CCDC141: variants seen among roughly 807,000 people sequenced by gnomAD.
CCDC141 encodes coiled-coil domain containing 141, also known as coiled-coil domain-containing protein 141.
A neutral mutation model predicts 181.0 loss-of-function variants in CCDC141; 168 were observed. That is an observed-to-expected ratio of 0.93 (90% CI 0.82 to 1.05). CCDC141 has a LOEUF of 1.05. CCDC141 is among the 50% of genes least tolerant of loss of function. The pLI, the probability that CCDC141 is intolerant of heterozygous loss-of-function variation, is 0.00. For missense variants in CCDC141, 1,902 were observed against 1,788.5 expected, an observed-to-expected ratio of 1.06 and a Z score of -1.14; for synonymous variants, 666 against 642.3, an observed-to-expected ratio of 1.04 and a Z score of -0.56.
intron 2 of CCDC141, among the ~76,000 whole-genome samples, chr2:179,013,884 G>C (rs1209017850): frequency 6.9e-6 from 1 of 145,890 alleles, no homozygotes; most frequent in African/African-American, 2.5e-5. Flanking sequence ...CGTGAACCTG[G>C]GAGGTGGAAC....
chr2:178,990,584 TGGAGG>T (rs199693487), intron 2 of CCDC141, among the ~76,000 whole-genome samples: 7,864 of 28,512 alleles, frequency 0.28, 587 homozygotes, highest in African/African-American at 0.4. Flanking sequence ...GGGAGGGGAG[TGGAGG>T]GGAGGGGAGG....
chr2:179,034,558 T>A (rs527245164), intron 2 of CCDC141, among the ~76,000 whole-genome samples: 1 of 152,306 alleles, frequency 6.6e-6, no homozygotes, highest in African/African-American at 2.4e-5. Flanking sequence ...TATCAATATC[T>A]CTATGAGTGC....
intron 21 of CCDC141, among the ~76,000 whole-genome samples, chr2:178,849,023 T>C (rs890938200): frequency 2.0e-5 from 3 of 151,338 alleles, no homozygotes; most frequent in Non-Finnish European, 4.4e-5. Flanking sequence ...GGTAAAATGG[T>C]AAAAAAAAAT....
chr2:179,032,564 G>C (rs1413401787), intron 2 of CCDC141, among the ~76,000 whole-genome samples: 2 of 152,080 alleles, frequency 1.3e-5, no homozygotes, highest in Non-Finnish European at 2.9e-5. Context: ...AATTCAACCG[G>C]GAAATACCAG....
chr2:178,938,438 T>C (rs1181722512), intron 6 of CCDC141, among the ~76,000 whole-genome samples: 2 of 152,120 alleles, frequency 1.3e-5, no homozygotes, highest in East Asian at 3.9e-4. Flanking sequence ...TCTATTTTCA[T>C]TGTGCTGTGG....
chr2:178,882,825 G>A lies in CCDC141; in HGVS notation c.1719+2076C>T, dbSNP rs571708687. On this transcript the variant is annotated intron_variant, in intron 11 of 23. Transcript: ENST00000443758. ...GTAAACAGAGTATTGGATTGATCTC[G>A]TATTGGGAGTTGGCAGGGTTAGTCA... 7.7e-4 allele frequency among the ~76,000 whole-genome samples: 117 copies of A among 152,126 alleles called. 3 individuals are homozygous for A. In the South Asian group the frequency reaches 0.021, roughly 27 times the overall value.
At chr2:179,026,021 C>T (rs2042833607) in intron 2 of CCDC141, among the ~76,000 whole-genome samples, 1 of 152,106 alleles carries the variant, frequency 6.6e-6, no homozygotes, top group Non-Finnish European at 1.5e-5. Flanking sequence ...TGTTAAAGGC[C>T]TTCAGTTTTA....
At position 178,850,113 on chromosome 2, in the gene CCDC141, TTGTG is replaced by T. The variant is rs1393493585; in HGVS notation, c.3289_3292del (p.His1097LysfsTer7). 2 of 1,611,834 alleles carry T rather than the reference TTGTG, an allele frequency of 1.2e-6. No homozygotes were observed. On this transcript the variant is annotated frameshift_variant, in exon 21 of 24. Transcript: ENST00000443758. LOFTEE classifies it high-confidence loss of function. ...TTCAGTCACAGATTCAAGAACCTCT[TTGTG>T]TTTTGTCACTATTTTCTCAATATAT...
At chr2:178,971,263 T>C (rs993571546) in intron 4 of CCDC141, among the ~76,000 whole-genome samples, 1 of 151,998 alleles carries the variant, frequency 6.6e-6, no homozygotes, top group African/African-American at 2.4e-5. Context: ...GGGCAAAGGA[T>C]ATGAACAGAT....
intron 17 of CCDC141, among the ~76,000 whole-genome samples, chr2:178,860,595 C>T (rs1258543064): frequency 8.8e-6 from 1 of 113,754 alleles, no homozygotes; most frequent in East Asian, 3.1e-4. Context: ...GTCTCACCAT[C>T]TTGCCCAGGC....
chr2:178,995,712 T>A (rs907981690), intron 2 of CCDC141, among the ~76,000 whole-genome samples: 3 of 152,222 alleles, frequency 2.0e-5, no homozygotes, highest in Admixed American at 2.0e-4. Context: ...TAGATGAGTA[T>A]GTGCCAGCTC....
chr2:178,981,960 T>C (rs932896008), intron 2 of CCDC141, among the ~76,000 whole-genome samples: 6 of 150,786 alleles, frequency 4.0e-5, no homozygotes, highest in African/African-American at 1.2e-4. Flanking sequence ...TGAAAAAGGG[T>C]CCATAACTAC....
chr2:178,977,970 A>T (rs943448848), intron 3 of CCDC141, among the ~76,000 whole-genome samples: 2 of 152,314 alleles, frequency 1.3e-5, no homozygotes, highest in African/African-American at 4.8e-5. Context: ...AGGTGTTCAA[A>T]CTATGGAAAA....
chr2:179,005,660 A>G (rs1316567899), intron 2 of CCDC141, among the ~76,000 whole-genome samples: 1 of 152,018 alleles, frequency 6.6e-6, no homozygotes, highest in Non-Finnish European at 1.5e-5. Context: ...TTTGAGACAG[A>G]GTCTCACTCT....
intron 2 of CCDC141, among the ~76,000 whole-genome samples, chr2:178,993,533 G>C (rs1692150586): frequency 6.6e-6 from 1 of 152,140 alleles, no homozygotes. Flanking sequence ...CTCTCCCACA[G>C]CATGTGGGAA....
the CCDC141 span, chr2:178,817,616 A>T: frequency 2.1e-6 from 1 of 469,616 alleles, no homozygotes; most frequent in South Asian, 1.6e-5. Context: ...GTGGAAGCAG[A>T]TCTCATCCTT....
At chr2:179,006,445 A>G (rs1961416) in intron 2 of CCDC141, among the ~76,000 whole-genome samples, 79,007 of 152,016 alleles carry the variant, frequency 0.52, 22,464 homozygotes, top group Non-Finnish European at 0.65. Flanking sequence ...ACTCTGCAAG[A>G]TATTGTAGGA....
intron 8 of CCDC141, among the ~76,000 whole-genome samples, chr2:178,889,461 C>T (rs1687044289): frequency 6.6e-6 from 1 of 152,136 alleles, no homozygotes; most frequent in Admixed American, 6.6e-5. Context: ...CATTTCCCCT[C>T]AGTCATTTCC....
intron 4 of CCDC141, among the ~76,000 whole-genome samples, chr2:178,974,795 G>A (rs1691047424): frequency 6.6e-6 from 1 of 152,130 alleles, no homozygotes; most frequent in African/African-American, 2.4e-5. Context: ...GGTAGAAATG[G>A]CCTCTGTCCT....
Sources: gnomAD v4.1 joint callset for allele counts (sites outside exome capture counted in the v4.1 genomes callset) on GRCh38, gnomAD v4.1.1 for gene constraint, MANE v1.5 for transcripts, NCBI Gene and HGNC (gene_info 2026-07-23, HGNC 2026-07-21) for gene names.